ZNF618: variants seen among roughly 807,000 people sequenced by gnomAD.
The protein encoded by ZNF618 is neural precursor cell expressed, developmentally down-regulated 10.
In ZNF618, 34 loss-of-function variants were observed where a neutral mutation model predicts 103.0. The observed-to-expected ratio is 0.33, with a 90% CI of 0.25 to 0.44. The LOEUF (loss-of-function observed/expected upper bound fraction) is 0.44. Ranked by LOEUF, ZNF618 falls within the 20% of genes least tolerant of loss-of-function variation. The pLI, the probability that ZNF618 is intolerant of heterozygous loss-of-function variation, is 1.00. For missense variants in ZNF618, 1,059 were observed against 1,295.4 expected (o/e 0.82, Z 2.80); for synonymous variants, 551 against 542.2 (o/e 1.02, Z -0.23).
Position 114,047,910 on chromosome 9 carries a change from A to G in ZNF618, c.1264A>G (p.Ile422Val), listed in dbSNP as rs1845800086. Residue 422 changes from isoleucine to valine, a missense_variant, in exon 14 of 15, where the codon ATT becomes GTT. Physicochemically the swap from Ile to Val is conservative, Grantham distance 29 (BLOSUM62 3). This residue lies in a region of ZNF618 where 434 missense variants were observed against 476.0 expected (regional missense o/e 0.91). Transcript: ENST00000374126. The stretch of plus-strand genomic sequence containing the variant: ...GCCCACAGCTGACAATGAAAACAAC[A>G]TTGCCTCCAACCAGTCCCGATCGCC... ...QSHAADNENNIASNQSRSPPA... is the reference protein window; with the variant it reads ...QSHAADNENNVASNQSRSPPA... The G allele has an allele frequency of 6.2e-7, 1 of 1,601,978 alleles. No homozygotes were observed. The highest frequency in any genetic ancestry group is 1.1e-5 in the South Asian group (1 of 88,056).
intron 1 of ZNF618, among the ~76,000 whole-genome samples, chr9:113,926,470 T>C (rs1833107358): frequency 6.6e-6 from 1 of 152,058 alleles, no homozygotes; most frequent in African/African-American, 2.4e-5. Flanking sequence ...TCTTCTGTTT[T>C]TTCTTTCTTT....
chr9:113,908,763 C>T (rs1009402295), intron 1 of ZNF618, among the ~76,000 whole-genome samples: 2 of 152,038 alleles, frequency 1.3e-5, no homozygotes, highest in South Asian at 4.2e-4. Flanking sequence ...GAGTGAGGAT[C>T]ACAGAATCAC....
intron 11 of ZNF618, among the ~76,000 whole-genome samples, chr9:114,029,657 AG>A (rs1399727265): frequency 6.6e-6 from 1 of 152,186 alleles, no homozygotes; most frequent in Non-Finnish European, 1.5e-5. Context: ...CATTTCAACA[AG>A]GATCTGCTCT....
In ZNF618 at chr9:113,988,341, A is replaced by C. The variant is rs1839690423; in HGVS notation, c.98A>C (p.Gln33Pro). 6.2e-7 allele frequency: 1 copy of C among 1,612,768 alleles called. No homozygotes were observed. Among genetic ancestry groups the C allele is most frequent in the African/African-American group, 1.3e-5 (1 of 74,944 alleles). Residue 33 changes from glutamine (Q) to proline (P), a missense_variant, in exon 3 of 15, where the codon CAG becomes CCG. This residue lies in a region of ZNF618 where 194 missense variants were observed against 209.0 expected (regional missense o/e 0.93). Coordinates refer to ENST00000374126, the MANE Select transcript of ZNF618 (RefSeq NM_001318042.2). ...TASRERLKRS[Q>P]KSTKVEGPEP... ...CCCAGGGAGCGCTTGAAGCGCAGCC[A>C]GAAGAGCACCAAGGTGGAGGGCCCA... is the stretch of plus-strand genomic sequence containing the variant.
intron 2 of ZNF618, among the ~76,000 whole-genome samples, chr9:113,972,757 T>C (rs534565808): frequency 3.9e-5 from 6 of 152,280 alleles, no homozygotes; most frequent in East Asian, 1.9e-4. Context: ...AAGTGAATTA[T>C]ATGTTAAACG....
At chr9:114,042,281 T>G (rs1194214187) in intron 13 of ZNF618, among the ~76,000 whole-genome samples, 2 of 152,236 alleles carry the variant, frequency 1.3e-5, no homozygotes, top group Non-Finnish European at 2.9e-5. Context: ...CTTACAGAGA[T>G]ATAATTTACT....
intron 1 of ZNF618, among the ~76,000 whole-genome samples, chr9:113,958,865 C>T (rs1310255798): frequency 6.6e-6 from 1 of 152,220 alleles, no homozygotes; most frequent in Non-Finnish European, 1.5e-5. Context: ...TAACCAGCAG[C>T]CCATCGGAGG....
intron 1 of ZNF618, among the ~76,000 whole-genome samples, chr9:113,886,603 A>C (rs1277166857): frequency 1.3e-5 from 2 of 152,196 alleles, no homozygotes; most frequent in African/African-American, 4.8e-5. Context: ...ACTGATCTGA[A>C]ATAAAACTGA....
At position 113,951,493 on chromosome 9, in the gene ZNF618, G is replaced by GTGTGCACATA. The variant is rs1434814780; in HGVS notation, c.34-17623_34-17622insGTGCACATAT. Among the ~76,000 whole-genome samples, 15 of 51,284 alleles carry GTGTGCACATA rather than the reference G, an allele frequency of 2.9e-4. No individual in the cohort carries two copies. The East Asian group carries it at 6.0e-3, about 21-fold the overall frequency. 33.6% of individuals were successfully genotyped at this position (51,284 alleles called of 152,430 possible). A position where few individuals can be genotyped will look rare whatever the true frequency, so the allele number is the denominator to read the frequency against. On this transcript the variant is annotated intron_variant, in intron 1 of 14. Coordinates refer to ENST00000374126, the MANE Select transcript of ZNF618 (RefSeq NM_001318042.2). ...TGTGTATGTGTACACATATATGTGT[G>GTGTGCACATA]TATGTGTACACATATATGTGTGTAT...
At chr9:113,901,907 G>A (rs1830589478) in intron 1 of ZNF618, among the ~76,000 whole-genome samples, 1 of 152,032 alleles carries the variant, frequency 6.6e-6, no homozygotes, top group Non-Finnish European at 1.5e-5. Flanking sequence ...TAAGTGTGTC[G>A]CAGTGGGGGG....
At chr9:114,014,399 T>C (rs1842496393) in intron 9 of ZNF618, among the ~76,000 whole-genome samples, 1 of 152,254 alleles carries the variant, frequency 6.6e-6, no homozygotes, top group Admixed American at 6.5e-5. Context: ...TTTATAGCAC[T>C]GCATATGTCT....
chr9:113,899,985 G>A (rs58180563), intron 1 of ZNF618, among the ~76,000 whole-genome samples: 1,693 of 152,096 alleles, frequency 0.011, 30 homozygotes, highest in African/African-American at 0.039. Flanking sequence ...TTTTTGGTAT[G>A]TACCTAGAAA....
intron 1 of ZNF618, among the ~76,000 whole-genome samples, chr9:113,879,609 A>G (rs1828315744): frequency 6.6e-6 from 1 of 151,796 alleles, no homozygotes; most frequent in African/African-American, 2.4e-5. Flanking sequence ...AATTTTTATT[A>G]GCTCCTGTCT....
chr9:113,933,890 C>T (rs967878298), intron 1 of ZNF618, among the ~76,000 whole-genome samples: 1 of 151,862 alleles, frequency 6.6e-6, no homozygotes, highest in Non-Finnish European at 1.5e-5. Flanking sequence ...GATTGCAGCT[C>T]CTGTGGGGGC....
At chr9:113,999,380 G>A (rs1200624107) in intron 4 of ZNF618, among the ~76,000 whole-genome samples, 1 of 152,130 alleles carries the variant, frequency 6.6e-6, no homozygotes, top group African/African-American at 2.4e-5. Flanking sequence ...GCGCAGGCGG[G>A]GCCCTGGGTT....
In ZNF618 at chr9:113,879,979, C is replaced by T. The variant is rs184753372; in HGVS notation, c.33+3566C>T. ...CTGGTCAGTATAAGGCTGACCTCTC[C>T]CTCGTCCTAGAAAATAAACAGCCAA... On this transcript the variant is annotated intron_variant, in intron 1 of 14. Transcript: ENST00000374126. Among the ~76,000 whole-genome samples, 60 of 152,170 alleles carry T rather than the reference C, an allele frequency of 3.9e-4. 1 individual carries two copies. Among genetic ancestry groups the T allele is most frequent in the African/African-American group, 1.4e-3 (59 of 41,492 alleles).
chr9:113,884,780 G>C (rs200299515), intron 1 of ZNF618, among the ~76,000 whole-genome samples: 10,371 of 111,562 alleles, frequency 0.093, 535 homozygotes, highest in African/African-American at 0.22. Context: ...CACACAGAGA[G>C]AGAGAGAGAG....
In ZNF618 at chr9:114,008,195, A is replaced by C. The variant is rs371826482; in HGVS notation, c.641-149A>C. On this transcript the variant is annotated intron_variant, in intron 7 of 14. Transcript: ENST00000374126. ...GTTGTCCTGGTTTTGGGGGGCTTCC[A>C]CAGTGGCCACGGCAGCCCTCCTGGG... 7.6e-6 allele frequency: 8 copies of C among 1,046,214 alleles called. No individual in the cohort carries two copies. The African/African-American group carries it at 1.1e-4, about 15-fold the overall frequency. The allele number at this position is 1,046,214 out of a possible 1,614,324, so 64.8% of individuals were successfully genotyped here. A position where few individuals can be genotyped will look rare whatever the true frequency, so the allele number is the denominator to read the frequency against.
rs1846484907 is a variant in ZNF618 at position 114,056,276 on chromosome 9, C to G, written c.*6109C>G. On this transcript the variant is annotated 3_prime_UTR_variant, in exon 15 of 15. Transcript: ENST00000374126. ...ACTGATGTCAAATGGAGGAAAGGAACAGAAAAAAAGATTTTTACAAAGTAA... is the reference window on the plus strand; with the variant it reads ...ACTGATGTCAAATGGAGGAAAGGAAGAGAAAAAAAGATTTTTACAAAGTAA... 2 of 152,008 alleles carry G rather than the reference C, an allele frequency of 1.3e-5. No individual in the cohort carries two copies. Among genetic ancestry groups the G allele is most frequent in the Admixed American group, 1.3e-4 (2 of 15,270 alleles). 9.4% of individuals were successfully genotyped at this position (152,008 alleles called of 1,614,324 possible).
Sources: allele counts gnomAD v4.1 joint callset (sites outside exome capture counted in the v4.1 genomes callset), GRCh38; gene constraint gnomAD v4.1.1; regional missense constraint gnomAD v4.1.1; transcripts MANE v1.5; gene names NCBI Gene and HGNC (gene_info 2026-07-23, HGNC 2026-07-21).